ANKMY2: variants seen among roughly 807,000 people sequenced by gnomAD.
ANKMY2 encodes ankyrin repeat and MYND domain containing 2, also known as ankyrin repeat and MYND domain-containing protein 2.
Under a neutral mutation model 50.4 loss-of-function variants are expected in ANKMY2, and 36 were observed. The ratio of observed to expected loss-of-function variants is 0.71; its 90% confidence interval spans 0.55 to 0.94. The LOEUF is 0.94. Ranked by LOEUF, ANKMY2 falls within the 40% of genes least tolerant of loss-of-function variation. The probability of loss-of-function intolerance (pLI) is 0.00; values close to 1 mark genes in which losing one functional copy is unlikely to be tolerated. For missense variants in ANKMY2, 565 were observed against 524.0 expected (o/e 1.08, Z -0.76); for synonymous variants, 187 against 178.8 (o/e 1.05, Z -0.36).
intron 4 of ANKMY2, among the ~76,000 whole-genome samples, chr7:16,619,560 T>C (rs917756384): frequency 3.3e-5 from 5 of 152,226 alleles, no homozygotes; most frequent in African/African-American, 1.2e-4. Flanking sequence ...TTTTAATTAA[T>C]CTGCTAATAA....
At chr7:16,638,087 C>G (rs1008182338) in intron 1 of ANKMY2, among the ~76,000 whole-genome samples, 1 of 152,238 alleles carries the variant, frequency 6.6e-6, no homozygotes, top group African/African-American at 2.4e-5. Context: ...CTGCTTAACT[C>G]TCACTCAATA....
intron 3 of ANKMY2, among the ~76,000 whole-genome samples, chr7:16,625,390 C>T (rs376078536): frequency 3.9e-5 from 6 of 152,110 alleles, no homozygotes; most frequent in East Asian, 3.9e-4. Context: ...AATCAAAATA[C>T]GCATACAAAA....
chr7:16,602,619 T>C, intron 8 of ANKMY2, 110 bp from the exon 9 acceptor site: 4 of 1,340,968 alleles, frequency 3.0e-6, no homozygotes, highest in Non-Finnish European at 4.1e-6. Context: ...CCATACTTTA[T>C]TTTAAAACCA....
At chr7:16,612,588 G>A (rs533503117) in intron 5 of ANKMY2, among the ~76,000 whole-genome samples, 1 of 152,024 alleles carries the variant, frequency 6.6e-6, no homozygotes, top group Non-Finnish European at 1.5e-5. Flanking sequence ...ATCAACTATA[G>A]AATCTTAAAC....
At chr7:16,603,566 G>A (rs987679504) in intron 8 of ANKMY2, 3 of 469,678 alleles carry the variant, frequency 6.4e-6, no homozygotes, top group African/African-American at 6.0e-5. Context: ...CAAGCACTGT[G>A]GTAGGCCCTT....
chr7:16,630,904 G>A (rs145791112), intron 2 of ANKMY2, among the ~76,000 whole-genome samples: 1 of 152,184 alleles, frequency 6.6e-6, no homozygotes, highest in Non-Finnish European at 1.5e-5. Context: ...GAAAGGGAAT[G>A]AAAGTGCAAA....
chr7:16,621,750 C>T (rs944791434), intron 4 of ANKMY2, among the ~76,000 whole-genome samples: 4 of 152,024 alleles, frequency 2.6e-5, no homozygotes, highest in African/African-American at 7.3e-5. Flanking sequence ...GGGACGATCA[C>T]CTAAGGTCAA....
At chr7:16,606,107 G>A (rs899188089) in intron 7 of ANKMY2, among the ~76,000 whole-genome samples, 10 of 149,408 alleles carry the variant, frequency 6.7e-5, no homozygotes, top group Non-Finnish European at 1.0e-4. Flanking sequence ...ATGAGCCACC[G>A]CGCCTGGCCT....
At position 16,622,974 on chromosome 7, in the gene ANKMY2, C is replaced by G. The variant is rs79805622; in HGVS notation, c.370+2009G>C. ...TGTAAAATCTGTCAATAAGGGAGAG[C>G]TAACTGAACTGTGGAACATCTATAT... On this transcript the variant is annotated intron_variant, in intron 4 of 9. Coordinates refer to ENST00000306999, the MANE Select transcript of ANKMY2 (RefSeq NM_020319.3). Among the ~76,000 whole-genome samples the G allele has an allele frequency of 9.7e-3, 1,474 of 152,140 alleles. 23 individuals are homozygous for G. Among genetic ancestry groups the G allele is most frequent in the African/African-American group, 0.033 (1,370 of 41,502 alleles).
chr7:16,621,375 C>T (rs747433508), intron 4 of ANKMY2, among the ~76,000 whole-genome samples: 4 of 152,142 alleles, frequency 2.6e-5, no homozygotes, highest in African/African-American at 9.7e-5. Context: ...TAACCTCATA[C>T]AAATGTTAAT....
rs1781332972 is a variant in ANKMY2 at position 16,615,680 on chromosome 7, A to G, written c.531+64T>C. Reference sequence around the variant, plus strand: ...CAAGACAATTATGATCCTGTATAATAAAAGCAGTTTAAACTCTGAAGCAAT... The same window carrying G: ...CAAGACAATTATGATCCTGTATAATGAAAGCAGTTTAAACTCTGAAGCAAT... On this transcript the variant is annotated intron_variant, in intron 5 of 9. Transcript: ENST00000306999. 1.2e-5 allele frequency: 19 copies of G among 1,597,500 alleles called. No homozygotes were observed. The Admixed American group carries it at 3.2e-4, about 27-fold the overall frequency.
At chr7:16,608,208 T>C (rs1382975866) in intron 7 of ANKMY2, among the ~76,000 whole-genome samples, 1 of 152,218 alleles carries the variant, frequency 6.6e-6, no homozygotes, top group Non-Finnish European at 1.5e-5. Flanking sequence ...TAAACCCTCA[T>C]CTATTTAATT....
chr7:16,641,487 TGG>T (rs1781744918), intron 1 of ANKMY2, among the ~76,000 whole-genome samples: 1 of 152,190 alleles, frequency 6.6e-6, no homozygotes, highest in South Asian at 2.1e-4. Context: ...ATCCAACTAA[TGG>T]TAACCATATA....
chr7:16,637,330 C>A (rs4719474), intron 1 of ANKMY2, among the ~76,000 whole-genome samples: 70,294 of 152,030 alleles, frequency 0.46, 17,426 homozygotes, highest in African/African-American at 0.64. Context: ...TAGTGCAAGA[C>A]TGTGCTAAAC....
Position 16,604,840 on chromosome 7 carries a change from G to A in ANKMY2, c.892C>T (p.Pro298Ser). 1 of 1,612,240 alleles carries A rather than the reference G, an allele frequency of 6.2e-7. No homozygotes were observed. Among genetic ancestry groups the A allele is most frequent in the Non-Finnish European group, 8.5e-7 (1 of 1,179,334 alleles). Residue 298 changes from proline (P) to serine (S), a missense_variant, in exon 8 of 10, where the codon CCC becomes TCC. By Grantham distance (74) the Pro-to-Ser change is moderately conservative (BLOSUM62 -1). Coordinates refer to ENST00000306999, the MANE Select transcript of ANKMY2 (RefSeq NM_020319.3). ...SIAPVEIGSD[P>S]TAFSVLTQAI... ...TGGGTAAGGACGGAGAATGCAGTGGGATCAGAACCCTAGAGTGGGCATGAA... is the reference window on the plus strand; with the variant it reads ...TGGGTAAGGACGGAGAATGCAGTGGAATCAGAACCCTAGAGTGGGCATGAA...
At chr7:16,630,223 GCATCT>G (rs1274882660) in intron 2 of ANKMY2, among the ~76,000 whole-genome samples, 1 of 152,090 alleles carries the variant, frequency 6.6e-6, no homozygotes, top group Non-Finnish European at 1.5e-5. Context: ...ATTCTAAGAT[GCATCT>G]CACTTTTATA....
At chr7:16,620,463 G>C (rs1781417343) in intron 4 of ANKMY2, among the ~76,000 whole-genome samples, 1 of 152,188 alleles carries the variant, frequency 6.6e-6, no homozygotes, top group African/African-American at 2.4e-5. Context: ...AGAGAATGTG[G>C]AGAAATAAAT....
At chr7:16,610,491 A>G in intron 6 of ANKMY2, 58 bp downstream of exon 6, 1 of 1,392,398 alleles carries the variant, frequency 7.2e-7, no homozygotes. Context: ...ATGAGGCTTC[A>G]TATTAAAAAA....
intron 5 of ANKMY2, among the ~76,000 whole-genome samples, chr7:16,613,869 G>A (rs1268922076): frequency 1.4e-5 from 2 of 146,144 alleles, no homozygotes; most frequent in South Asian, 2.2e-4. Flanking sequence ...CTGGAAGGCC[G>A]AGATCTGTAC....
Sources: allele counts gnomAD v4.1 joint callset (sites outside exome capture counted in the v4.1 genomes callset), GRCh38; gene constraint gnomAD v4.1.1; transcripts MANE v1.5; gene names NCBI Gene and HGNC (gene_info 2026-07-23, HGNC 2026-07-21).